Variants in ENPP6 observed in about 807,000 individuals in gnomAD.
ENPP6 encodes glycerophosphocholine cholinephosphodiesterase ENPP6.
ENPP6 carries 32 observed loss-of-function variants against 42.0 expected under a neutral mutation model. The ratio of observed to expected loss-of-function variants is 0.76; its 90% CI spans 0.58 to 1.02. ENPP6 has a LOEUF of 1.02. ENPP6 is among the 50% of genes least tolerant of loss of function. The probability of loss-of-function intolerance (pLI) is 0.00; values close to 1 mark genes in which losing one functional copy is unlikely to be tolerated. For missense variants in ENPP6, 552 were observed against 566.8 expected, an observed-to-expected ratio of 0.97 and a Z score of 0.27; for synonymous variants, 213 against 216.0, an observed-to-expected ratio of 0.99 and a Z score of 0.12.
chr4:184,115,341 G>T (rs6815497), intron 5 of ENPP6, among the ~76,000 whole-genome samples: 4,162 of 152,286 alleles, frequency 0.027, 172 homozygotes, highest in African/African-American at 0.095. Flanking sequence ...CCCATATTGG[G>T]AAGTGACTAG....
intron 2 of ENPP6, among the ~76,000 whole-genome samples, chr4:184,133,902 C>CT: frequency 6.7e-6 from 1 of 149,230 alleles, no homozygotes; most frequent in African/African-American, 2.5e-5. Flanking sequence ...GAGCCTCACT[C>CT]TGTCACCCAG....
chr4:184,100,555 G>A (rs189534157), intron 6 of ENPP6, among the ~76,000 whole-genome samples: 3 of 152,332 alleles, frequency 2.0e-5, no homozygotes, highest in Admixed American at 2.0e-4. Flanking sequence ...GGGTGGGCTT[G>A]TGTGTGTGCG....
At chr4:184,134,768 G>A (rs1227209407) in intron 2 of ENPP6, among the ~76,000 whole-genome samples, 1 of 148,962 alleles carries the variant, frequency 6.7e-6, no homozygotes, top group Admixed American at 6.7e-5. Context: ...TTTACATTTG[G>A]GGATAATTAA....
At chr4:184,213,660 A>G (rs1310094895) in intron 1 of ENPP6, among the ~76,000 whole-genome samples, 1 of 149,550 alleles carries the variant, frequency 6.7e-6, no homozygotes, top group Non-Finnish European at 1.5e-5. Context: ...AACTAGTTCA[A>G]CCATTGTGGA....
At chr4:184,105,981 C>T (rs754271886) in intron 6 of ENPP6, among the ~76,000 whole-genome samples, 2 of 152,058 alleles carry the variant, frequency 1.3e-5, no homozygotes, top group Non-Finnish European at 2.9e-5. Flanking sequence ...GATCATGATC[C>T]TCCCCTGTAA....
chr4:184,209,022 G>T (rs1266094471), intron 1 of ENPP6, among the ~76,000 whole-genome samples: 10 of 143,916 alleles, frequency 6.9e-5, no homozygotes, highest in Admixed American at 1.4e-4. Flanking sequence ...TGCAGCTGAG[G>T]GTCCTGTCTG....
chr4:184,157,757 G>A (rs67817322), intron 1 of ENPP6, among the ~76,000 whole-genome samples: 11,707 of 144,210 alleles, frequency 0.081, 670 homozygotes, highest in Middle Eastern at 0.16. Flanking sequence ...ACAGGCATGC[G>A]CCACCAAACT....
At chr4:184,108,269 G>T (rs1429210268) in intron 6 of ENPP6, among the ~76,000 whole-genome samples, 1 of 152,220 alleles carries the variant, frequency 6.6e-6, no homozygotes, top group Non-Finnish European at 1.5e-5. Flanking sequence ...ACCCAGAGAG[G>T]CTGCTTTCGG....
chr4:184,157,957 A>G (rs1277007015), intron 1 of ENPP6, among the ~76,000 whole-genome samples: 2 of 152,030 alleles, frequency 1.3e-5, no homozygotes, highest in East Asian at 3.9e-4. Context: ...TAAGGTTGCT[A>G]CTACTTAGAT....
At position 184,154,895 on chromosome 4, in the gene ENPP6, T is replaced by C. The variant is rs551712393; in HGVS notation, c.242-1162A>G. Among the ~76,000 whole-genome samples, 35 of 152,368 alleles carry C rather than the reference T, an allele frequency of 2.3e-4. 1 individual carries two copies. In the East Asian group the frequency reaches 6.2e-3, roughly 27 times the overall value. On this transcript the variant is annotated intron_variant, in intron 1 of 7. Transcript: ENST00000296741. Reference sequence around the variant, plus strand: ...TTGGCAATGGTTAAGGAAGTTATTTTATTTATTGTTTCAACTAACATGTAT... The same window carrying C: ...TTGGCAATGGTTAAGGAAGTTATTTCATTTATTGTTTCAACTAACATGTAT...
At chr4:184,099,411 G>C (rs1317265943) in intron 6 of ENPP6, among the ~76,000 whole-genome samples, 2 of 152,208 alleles carry the variant, frequency 1.3e-5, no homozygotes, top group East Asian at 3.8e-4. Context: ...CTCCCTGCTG[G>C]TCCTGGCCAC....
rs1376769179 is a variant in ENPP6 at position 184,117,041 on chromosome 4, G to A, written c.676-6C>T. The A allele has an allele frequency of 7.4e-6, 12 of 1,614,152 alleles. No individual in the cohort carries two copies. Among genetic ancestry groups the A allele is most frequent in the Admixed American group, 5.0e-5 (3 of 60,024 alleles). On this transcript the variant is annotated splice_region_variant and splice_polypyrimidine_tract_variant and intron_variant, in intron 4 of 7. Transcript: ENST00000296741. Reference sequence around the variant, plus strand: ...CGGTCCTGCAGGCCCCGCTCCTGTGGGGTGGGAAAAGACAGTCATTACGGC... The same window carrying A: ...CGGTCCTGCAGGCCCCGCTCCTGTGAGGTGGGAAAAGACAGTCATTACGGC...
At chr4:184,152,886 A>G (rs1560994297) in intron 2 of ENPP6, among the ~76,000 whole-genome samples, 1 of 151,902 alleles carries the variant, frequency 6.6e-6, no homozygotes, top group Non-Finnish European at 1.5e-5. Flanking sequence ...TCTCTTTTCA[A>G]TATTGTAGAG....
intron 1 of ENPP6, among the ~76,000 whole-genome samples, chr4:184,217,243 C>T (rs1733211564): frequency 6.6e-6 from 1 of 151,944 alleles, no homozygotes; most frequent in African/African-American, 2.4e-5. Flanking sequence ...GTTGCTTTTG[C>T]AGACTTGAAC....
At position 184,106,638 on chromosome 4, in the gene ENPP6, G is replaced by A. The variant is rs564213832; in HGVS notation, c.993+6034C>T. Among the ~76,000 whole-genome samples the A allele has an allele frequency of 3.2e-4, 48 of 151,958 alleles. No homozygotes were observed. The East Asian group carries it at 7.4e-3, about 23-fold the overall frequency. On this transcript the variant is annotated intron_variant, in intron 6 of 7. Coordinates refer to ENST00000296741, the MANE Select transcript of ENPP6 (RefSeq NM_153343.4). ...GCCCCCCCAGCCCCTCATCTATATC[G>A]GTCTCCTGTTGCCCCCACCCCAGTA...
At chr4:184,125,372 G>C (rs932743816) in intron 2 of ENPP6, among the ~76,000 whole-genome samples, 6 of 152,228 alleles carry the variant, frequency 3.9e-5, no homozygotes, top group African/African-American at 1.4e-4. Context: ...CACTGTATGT[G>C]TAGAGAACTG....
intron 2 of ENPP6, among the ~76,000 whole-genome samples, chr4:184,143,056 G>C (rs187111917): frequency 9.4e-4 from 143 of 152,260 alleles, no homozygotes; most frequent in Admixed American, 3.5e-3. Context: ...TCCCACAAAG[G>C]AAGCCCTCTT....
At chr4:184,099,508 G>A (rs746976896) in intron 6 of ENPP6, among the ~76,000 whole-genome samples, 27 of 152,176 alleles carry the variant, frequency 1.8e-4, no homozygotes, top group South Asian at 4.1e-4. Context: ...GGTCTGGTCC[G>A]CAGATGCCCC....
At chr4:184,117,924 A>G (rs1315132025) in intron 3 of ENPP6, 24 bp from the exon 4 acceptor site, 2 of 1,611,042 alleles carry the variant, frequency 1.2e-6, no homozygotes. Flanking sequence ...GGAGAGAGGC[A>G]TAGGTGAGGG....
Sources: gnomAD v4.1 joint callset for allele counts (sites outside exome capture counted in the v4.1 genomes callset) on GRCh38, gnomAD v4.1.1 for gene constraint, MANE v1.5 for transcripts, NCBI Gene and HGNC (gene_info 2026-07-23, HGNC 2026-07-21) for gene names.